Variants in PCDHA12 observed in about 807,000 individuals in gnomAD.
The protein encoded by PCDHA12 is protocadherin alpha 12.
In PCDHA12, 44 loss-of-function variants were observed where a neutral mutation model predicts 60.0. The ratio of observed to expected loss-of-function variants is 0.73; its 90% CI spans 0.58 to 0.94. The LOEUF (loss-of-function observed/expected upper bound fraction) is 0.94. Ranked by LOEUF, PCDHA12 falls within the 40% of genes least tolerant of loss-of-function variation. The pLI, the probability that PCDHA12 is intolerant of heterozygous loss-of-function variation, is 0.00. For missense variants in PCDHA12, 1,276 were observed against 1,239.7 expected (o/e 1.03, Z -0.44); for synonymous variants, 569 against 553.0 (o/e 1.03, Z -0.40).
chr5:140,913,036 A>G (rs2076178944), intron 1 of PCDHA12, among the ~76,000 whole-genome samples: 3 of 152,190 alleles, frequency 2.0e-5, no homozygotes, highest in African/African-American at 7.2e-5. Context: ...CATCAGATAT[A>G]TTGGCCTGGA....
At chr5:140,983,977 C>T (rs566705604) in intron 3 of PCDHA12, among the ~76,000 whole-genome samples, 20 of 152,234 alleles carry the variant, frequency 1.3e-4, no homozygotes, top group Non-Finnish European at 2.4e-4. Flanking sequence ...AAAAAATATA[C>T]GAGTTGAAGC....
rs2093299605 is a variant in PCDHA12 at position 140,942,442 on chromosome 5, TA to T, written c.2368-36504del. 4.0e-5 allele frequency among the ~76,000 whole-genome samples: 6 copies of T among 151,626 alleles called. No homozygotes were observed. In the South Asian group the frequency reaches 1.2e-3, roughly 31 times the overall value. ...AAAAAGATATCTAACAATAAACAAG[TA>T]AACTATCAATTATAATACAATCAAA... On this transcript the variant is annotated intron_variant, in intron 1 of 3. Coordinates refer to ENST00000398631, the MANE Select transcript of PCDHA12 (RefSeq NM_018903.4).
chr5:140,999,751 G>A (rs1167424188), intron 3 of PCDHA12, among the ~76,000 whole-genome samples: 1 of 152,150 alleles, frequency 6.6e-6, no homozygotes, highest in Non-Finnish European at 1.5e-5. Flanking sequence ...TGGGTTCGCA[G>A]CACATGATGT....
chr5:140,991,733 A>T (rs1360500460), intron 3 of PCDHA12, among the ~76,000 whole-genome samples: 1 of 152,136 alleles, frequency 6.6e-6, no homozygotes, highest in African/African-American at 2.4e-5. Flanking sequence ...TGTTCAAGGT[A>T]ATGTAGGCTC....
At chr5:140,964,866 C>A (rs2095858965) in intron 1 of PCDHA12, among the ~76,000 whole-genome samples, 1 of 152,132 alleles carries the variant, frequency 6.6e-6, no homozygotes, top group Non-Finnish European at 1.5e-5. Flanking sequence ...ACAAAGAGGA[C>A]AAATAAGAAG....
intron 1 of PCDHA12, chr5:140,966,633 C>G (rs2096029445): frequency 8.9e-6 from 9 of 1,005,802 alleles, no homozygotes; most frequent in Non-Finnish European, 5.4e-6. Flanking sequence ...CGGCCCCAGG[C>G]GCTTTCTAGA....
At chr5:140,911,160 G>A (rs1226577638) in intron 1 of PCDHA12, among the ~76,000 whole-genome samples, 1 of 152,086 alleles carries the variant, frequency 6.6e-6, no homozygotes, top group African/African-American at 2.4e-5. Context: ...AGACAAATGT[G>A]GAAAGGCTGA....
At chr5:140,960,400 G>T (rs566510688) in intron 1 of PCDHA12, among the ~76,000 whole-genome samples, 4 of 152,114 alleles carry the variant, frequency 2.6e-5, no homozygotes, top group African/African-American at 9.6e-5. Context: ...ATGCAAGGGG[G>T]GGTGCCCAAA....
At chr5:140,941,651 T>C (rs2093139674) in intron 1 of PCDHA12, among the ~76,000 whole-genome samples, 3 of 152,120 alleles carry the variant, frequency 2.0e-5, no homozygotes, top group Admixed American at 6.6e-5. Context: ...CTACAACTTA[T>C]GTCCAATTTT....
In PCDHA12 at chr5:141,012,204, T is replaced by C. The variant is rs1053312501; in HGVS notation, c.*2267T>C. The C allele has an allele frequency of 1.3e-5, 2 of 153,800 alleles. No homozygotes were observed. Among genetic ancestry groups the C allele is most frequent in the African/African-American group, 4.8e-5 (2 of 41,474 alleles). 9.5% of individuals were successfully genotyped at this position (153,800 alleles called of 1,614,324 possible). On this transcript the variant is annotated 3_prime_UTR_variant, in exon 4 of 4. Transcript: ENST00000398631. ...TATAATGTATCTGTACAGCACTTTT[T>C]ACATTTGCGAAGTGCTTTCCAATCC...
intron 3 of PCDHA12, among the ~76,000 whole-genome samples, chr5:141,006,736 G>C (rs939000554): frequency 2.0e-5 from 3 of 152,122 alleles, no homozygotes; most frequent in African/African-American, 7.2e-5. Context: ...AGGTCTTGAT[G>C]ATGTATTATA....
intron 1 of PCDHA12, among the ~76,000 whole-genome samples, chr5:140,915,001 AGT>A (rs1563002922): frequency 6.9e-6 from 1 of 144,988 alleles, no homozygotes; most frequent in Non-Finnish European, 1.5e-5. Flanking sequence ...GCTGGAGTGC[AGT>A]GGCCTGATCT....
intron 1 of PCDHA12, among the ~76,000 whole-genome samples, chr5:140,921,888 AAGG>A (rs1354196773): frequency 2.0e-5 from 3 of 152,090 alleles, no homozygotes; most frequent in African/African-American, 7.2e-5. Flanking sequence ...AGATTTTAGA[AAGG>A]AGGATAAATA....
intron 1 of PCDHA12, among the ~76,000 whole-genome samples, chr5:140,912,933 C>T (rs1433213824): frequency 6.6e-6 from 1 of 152,070 alleles, no homozygotes; most frequent in African/African-American, 2.4e-5. Context: ...TTGAATCATC[C>T]TTGTATCCCT....
intron 1 of PCDHA12, chr5:140,884,501 G>A: frequency 1.9e-6 from 3 of 1,614,146 alleles, no homozygotes; most frequent in Middle Eastern, 1.6e-4. Context: ...CTCCAGCGCG[G>A]CAGGGAGTTG....
intron 1 of PCDHA12, among the ~76,000 whole-genome samples, chr5:140,934,289 T>C (rs1584800076): frequency 6.6e-6 from 1 of 152,138 alleles, no homozygotes; most frequent in East Asian, 1.9e-4. Flanking sequence ...AGGGCATTCT[T>C]ACTGGTATTT....
At position 141,009,666 on chromosome 5, in the gene PCDHA12, G is replaced by T; in HGVS notation, c.2555G>T (p.Gly852Val). Residue 852 changes from glycine to valine, a missense_variant, in exon 4 of 4, where the codon GGT becomes GTT. Physicochemically the swap from Gly to Val is moderately radical, Grantham distance 109. Coordinates refer to ENST00000398631, the MANE Select transcript of PCDHA12 (RefSeq NM_018903.4). ...GAAGTGTCCCCTCCAGTCGGTGCGG[G>T]TGTCAACAGCAACAGCTGGACCTTT... ...AGEVSPPVGAGVNSNSWTFKY... is the reference protein window; with the variant it reads ...AGEVSPPVGAVVNSNSWTFKY... The T allele has an allele frequency of 1.2e-6, 2 of 1,614,080 alleles. No individual in the cohort carries two copies. The highest frequency in any genetic ancestry group is 1.7e-6 in the Non-Finnish European group (2 of 1,180,022).
intron 1 of PCDHA12, chr5:140,969,627 G>A: frequency 1.5e-6 from 1 of 664,866 alleles, no homozygotes; most frequent in Non-Finnish European, 2.5e-6. Flanking sequence ...AGAGAAACAG[G>A]ACAGGCCTTG....
intron 3 of PCDHA12, among the ~76,000 whole-genome samples, chr5:140,985,739 CT>C (rs11372071): frequency 0.013 from 1,497 of 117,900 alleles, 11 homozygotes; most frequent in African/African-American, 0.038. Flanking sequence ...TGATGAATTC[CT>C]TTTTTTTTTT....
Sources: gnomAD v4.1 joint callset for allele counts (sites outside exome capture counted in the v4.1 genomes callset) on GRCh38, gnomAD v4.1.1 for gene constraint, MANE v1.5 for transcripts, NCBI Gene and HGNC (gene_info 2026-07-23, HGNC 2026-07-21) for gene names.